The following SS18L1 variants were observed in gnomAD, a reference collection of about 807,000 sequenced individuals.
SS18L1 encodes calcium-responsive transactivator.
In SS18L1, 32 loss-of-function variants were observed where a neutral mutation model predicts 70.3. The observed-to-expected ratio is 0.46, with a 90% CI of 0.34 to 0.61. The LOEUF (loss-of-function observed/expected upper bound fraction) is 0.61. Among genes scored for constraint, SS18L1 ranks in the 20% least tolerant of loss-of-function variants. SS18L1 has a pLI of 0.01. For synonymous variants in SS18L1, 237 were observed against 229.7 expected, an observed-to-expected ratio of 1.03 and a Z score of -0.29; for missense variants, 430 against 542.1, an observed-to-expected ratio of 0.79 and a Z score of 2.05.
chr20:62,160,021 A>G, intron 3 of SS18L1, 60 bp downstream of exon 3: 3 of 1,505,744 alleles, frequency 2.0e-6, no homozygotes, highest in Non-Finnish European at 2.7e-6. Flanking sequence ...ACTGCCTAAG[A>G]TCGGAATTGT....
intron 1 of SS18L1, among the ~76,000 whole-genome samples, chr20:62,146,766 C>T (rs950160964): frequency 4.6e-5 from 7 of 151,954 alleles, no homozygotes; most frequent in East Asian, 1.9e-4. Flanking sequence ...ATTATAGGCG[C>T]GTGCCACCAC....
In SS18L1 at chr20:62,174,737, TG is replaced by T. The variant is rs775894573; in HGVS notation, c.1164+95del. 8.7e-6 allele frequency: 14 copies of T among 1,608,624 alleles called. No individual in the cohort carries two copies. The highest frequency in any genetic ancestry group is 1.7e-5 in the Admixed American group (1 of 59,554). On this transcript the variant is annotated intron_variant, in intron 10 of 10. Transcript: ENST00000331758. This position sits in a 1 kb window ranked among gnomAD's most constrained non-coding sequence, Gnocchi z 4.1. ...CTTATGGCCATGAGGAATAATGAGC[TG>T]GAACTAACTGGCTTCCAGGGTTCCT...
Position 62,180,826 on chromosome 20 carries a change from C to CA in SS18L1, c.*1619dup, listed in dbSNP as rs2145803413. 1 of 166,778 alleles carries CA rather than the reference C, an allele frequency of 6.0e-6. No homozygotes were observed. The highest frequency in any genetic ancestry group is 1.2e-4 in the East Asian group (1 of 8,244). The allele number at this position is 166,778 out of a possible 1,614,324, so 10.3% of individuals were successfully genotyped here. On this transcript the variant is annotated 3_prime_UTR_variant, in exon 11 of 11. Transcript: ENST00000331758. ...AGGAGAATGGCTTGAACCCAGGAGA[C>CA]AGAGGTTGTGGTGGGGCAAGATCGC...
chr20:62,164,996 G>T (rs189042735), intron 7 of SS18L1, among the ~76,000 whole-genome samples: 2 of 152,218 alleles, frequency 1.3e-5, no homozygotes, highest in African/African-American at 4.8e-5. Flanking sequence ...CAAGGGGCAG[G>T]TGCACAGACA....
At chr20:62,146,605 A>C (rs1472567410) in intron 1 of SS18L1, among the ~76,000 whole-genome samples, 6 of 79,722 alleles carry the variant, frequency 7.5e-5, no homozygotes, top group African/African-American at 2.6e-4. Flanking sequence ...TGCTTTGATC[A>C]TTTTTTTTTT....
At chr20:62,162,439 T>G in intron 4 of SS18L1, 5 of 256,394 alleles carry the variant, frequency 2.0e-5, no homozygotes, top group Non-Finnish European at 3.0e-5. Context: ...GTAGCTGGGA[T>G]TATAGGCACG....
chr20:62,162,887 G>T lies in SS18L1; in HGVS notation c.512G>T (p.Gly171Val). The T allele has an allele frequency of 6.2e-7, 1 of 1,612,910 alleles. No homozygotes were observed. Among genetic ancestry groups the T allele is most frequent in the Non-Finnish European group, 8.5e-7 (1 of 1,179,948 alleles). Residue 171 changes from glycine to valine, a missense_variant, in exon 5 of 11, where the codon GGC becomes GTC. By Grantham distance (109) the Gly-to-Val change is moderately radical. Coordinates refer to ENST00000331758, the MANE Select transcript of SS18L1 (RefSeq NM_198935.3). ...CCCATGCAGGGGCAAGGCACCATCG[G>T]CAACTACGTGTCTCGGACCAACATC... ...GVPMQGQGTI[G>V]NYVSRTNINM...
intron 1 of SS18L1, among the ~76,000 whole-genome samples, chr20:62,147,462 C>T (rs1011944875): frequency 2.6e-5 from 4 of 152,190 alleles, no homozygotes; most frequent in African/African-American, 9.7e-5. Flanking sequence ...GCAGTGGTCA[C>T]CTCGGACCAT....
intron 8 of SS18L1, among the ~76,000 whole-genome samples, chr20:62,170,455 G>A (rs1319746452): frequency 2.6e-5 from 4 of 152,282 alleles, no homozygotes; most frequent in East Asian, 1.9e-4. Context: ...GCAGTGAGCC[G>A]AGATTGTGCC....
At chr20:62,162,953 C>A in intron 5 of SS18L1, 22 bp downstream of exon 5, 3 of 1,609,318 alleles carry the variant, frequency 1.9e-6, no homozygotes, top group Non-Finnish European at 2.5e-6. Flanking sequence ...GCCTCTGCAA[C>A]CCCGGGGGGC....
In SS18L1 at chr20:62,165,325, C is replaced by T. The variant is rs2057407503; in HGVS notation, c.824-97C>T. The T allele has an allele frequency of 8.9e-6, 11 of 1,233,284 alleles. No individual in the cohort carries two copies. The Admixed American group carries it at 2.3e-4, about 25-fold the overall frequency. 76.4% of individuals were successfully genotyped at this position (1,233,284 alleles called of 1,614,324 possible). ...CTGCCGGCTCTTGTTGCCTCCCTGG[C>T]CAGACAACATCTCCCCAGCCTGGGT... On this transcript the variant is annotated intron_variant, in intron 7 of 10. Transcript: ENST00000331758.
At chr20:62,168,159 C>T (rs1372255934) in intron 8 of SS18L1, among the ~76,000 whole-genome samples, 2 of 152,114 alleles carry the variant, frequency 1.3e-5, no homozygotes, top group East Asian at 3.9e-4. Flanking sequence ...GGGTTAGGTA[C>T]TCTTGCCTTC....
At chr20:62,166,795 T>C (rs973026779) in intron 8 of SS18L1, among the ~76,000 whole-genome samples, 3 of 151,202 alleles carry the variant, frequency 2.0e-5, no homozygotes, top group African/African-American at 7.3e-5. Context: ...CGTGGTGGCA[T>C]GTGCCTGTAA....
At chr20:62,170,324 T>A (rs996861783) in intron 8 of SS18L1, among the ~76,000 whole-genome samples, 2 of 152,002 alleles carry the variant, frequency 1.3e-5, no homozygotes, top group African/African-American at 4.8e-5. Flanking sequence ...GCTAACACGG[T>A]GAAACCCCGT....
intron 1 of SS18L1, among the ~76,000 whole-genome samples, chr20:62,153,125 C>G (rs1313606078): frequency 1.3e-5 from 2 of 152,128 alleles, no homozygotes; most frequent in Non-Finnish European, 2.9e-5. Context: ...CTTCACAAGG[C>G]GGCAGGAAGG....
chr20:62,162,622 T>G, intron 4 of SS18L1, 130 bp from the exon 5 acceptor site: 1 of 921,976 alleles, frequency 1.1e-6, no homozygotes, highest in Non-Finnish European at 1.6e-6. Context: ...ATTAGTCACT[T>G]AATCATTAAT....
intron 1 of SS18L1, among the ~76,000 whole-genome samples, chr20:62,146,477 A>G (rs1196783786): frequency 6.6e-6 from 1 of 152,098 alleles, no homozygotes; most frequent in Non-Finnish European, 1.5e-5. Context: ...ATTCCCTCAC[A>G]GTTCTGGAGA....
rs2057060670 is a variant in SS18L1, at chr20:62,147,933, C to T, written c.69+4044C>T. Among the ~76,000 whole-genome samples the T allele has an allele frequency of 3.3e-5, 5 of 152,272 alleles. No homozygotes were observed. The South Asian group carries it at 1.0e-3, about 32-fold the overall frequency. ...TGCACACCCAGTAGGCAGTGGGCAC[C>T]CTGTGTGCTCCCTCAGAAGTGGAAC... On this transcript the variant is annotated intron_variant, in intron 1 of 10. Transcript: ENST00000331758.
chr20:62,152,768 G>A (rs73137253), intron 1 of SS18L1, among the ~76,000 whole-genome samples: 4,436 of 152,304 alleles, frequency 0.029, 91 homozygotes, highest in Middle Eastern at 0.044. Context: ...TCGCTTTGCA[G>A]ATGATACCGT....
Sources: allele counts gnomAD v4.1 joint callset (sites outside exome capture counted in the v4.1 genomes callset), GRCh38; gene constraint gnomAD v4.1.1; non-coding constraint Gnocchi (gnomAD v3.1); transcripts MANE v1.5; gene names NCBI Gene and HGNC (gene_info 2026-07-23, HGNC 2026-07-21).